EFCAB12: variants seen among roughly 807,000 people sequenced by gnomAD.
EFCAB12 encodes the protein EF-hand calcium binding domain 12.
A neutral mutation model predicts 53.6 loss-of-function variants in EFCAB12; 43 were observed. The observed-to-expected ratio is 0.80, with a 90% confidence interval of 0.63 to 1.03. The LOEUF is 1.03. Ranked by LOEUF, EFCAB12 falls within the 50% of genes least tolerant of loss-of-function variation. EFCAB12 has a pLI of 0.00. For synonymous variants in EFCAB12, 269 were observed against 289.2 expected, an observed-to-expected ratio of 0.93 and a Z score of 0.71; for missense variants, 646 against 730.6, an observed-to-expected ratio of 0.88 and a Z score of 1.34.
chr3:129,419,774 A>T lies in EFCAB12; in HGVS notation c.487-1326T>A, dbSNP rs574800684. 7.2e-5 allele frequency among the ~76,000 whole-genome samples: 11 copies of T among 152,300 alleles called. No individual in the cohort carries two copies. In the South Asian group the frequency reaches 1.9e-3, roughly 26 times the overall value. The stretch of plus-strand genomic sequence containing the variant: ...AAAAAAAACTCTCTTTTCTTTATAA[A>T]TTACCCAGCATCATGTCTTCTGTGA... On this transcript the variant is annotated intron_variant, in intron 2 of 8. Transcript: ENST00000505956.
rs374706713 is a variant in EFCAB12 at position 129,404,389 on chromosome 3, C to T, written c.1264G>A (p.Gly422Arg). Residue 422 changes from glycine to arginine, a missense_variant, in exon 7 of 9, where the codon GGA (glycine) becomes AGA (arginine). Physicochemically the swap from Gly to Arg is moderately radical, Grantham distance 125 (BLOSUM62 -2). Transcript: ENST00000505956. Reference protein sequence around the residue: ...DILMKALLYPGDKIIFQMDKV... With the variant: ...DILMKALLYPRDKIIFQMDKV... ...TCCATCTGGAAAATGATCTTGTCTC[C>T]TGGGTACAGCAAGGCTGTGGACAGC... 8.7e-6 allele frequency: 14 copies of T among 1,613,432 alleles called. No homozygotes were observed. The highest frequency in any genetic ancestry group is 1.1e-5 in the South Asian group (1 of 90,988).
Position 129,404,483 on chromosome 3 carries a change from T to TG in EFCAB12, c.1250-81dup, listed in dbSNP as rs1489456735. 20 of 1,332,060 alleles carry TG rather than the reference T, an allele frequency of 1.5e-5. No homozygotes were observed. The East Asian group carries it at 5.0e-4, about 33-fold the overall frequency. 82.5% of individuals were successfully genotyped at this position (1,332,060 alleles called of 1,614,324 possible). On this transcript the variant is annotated intron_variant, in intron 6 of 8. Coordinates refer to ENST00000505956, the MANE Select transcript of EFCAB12 (RefSeq NM_207307.3). ...CCTAAGCCTCTGGGGTCAGAGGAGG[T>TG]GTTTTTTTTTTTTTTAATTCACATT...
chr3:129,415,228 T>TG lies in EFCAB12; in HGVS notation c.838+16dup, dbSNP rs994057513. On this transcript the variant is annotated intron_variant, in intron 4 of 8. Coordinates refer to ENST00000505956, the MANE Select transcript of EFCAB12 (RefSeq NM_207307.3). ...AGGACGGGGAGGTGGAGGCACAGGA[T>TG]GGGGAGGGGTACGCACGCTCCCTTG... 1.3e-6 allele frequency: 2 copies of TG among 1,574,534 alleles called. No individual in the cohort carries two copies. Among genetic ancestry groups the TG allele is most frequent in the African/African-American group, 2.7e-5 (2 of 72,922 alleles).
chr3:129,424,989 G>C (rs996696508), intron 1 of EFCAB12, among the ~76,000 whole-genome samples: 7 of 152,158 alleles, frequency 4.6e-5, no homozygotes, highest in African/African-American at 1.4e-4. Context: ...GGGGTGGAGG[G>C]GCAGGGATGG....
intron 3 of EFCAB12, 77 bp downstream of exon 3, chr3:129,418,177 G>T: frequency 7.4e-7 from 1 of 1,360,036 alleles, no homozygotes; most frequent in Non-Finnish European, 9.9e-7. Context: ...GGCGGGGGAG[G>T]GGCGGGGGTG....
At chr3:129,426,375 T>TG (rs913097281) in intron 1 of EFCAB12, among the ~76,000 whole-genome samples, 1 of 146,326 alleles carries the variant, frequency 6.8e-6, no homozygotes, top group Non-Finnish European at 1.5e-5. Flanking sequence ...TTTTTTTTTT[T>TG]TTTTTTTGAG....
chr3:129,423,364 T>G (rs772868410), intron 1 of EFCAB12, among the ~76,000 whole-genome samples: 3 of 152,218 alleles, frequency 2.0e-5, no homozygotes, highest in African/African-American at 4.8e-5. Context: ...TGGTAGCTTA[T>G]GCCTGTAATC....
intron 8 of EFCAB12, among the ~76,000 whole-genome samples, chr3:129,402,165 G>A (rs2071881032): frequency 1.3e-5 from 2 of 152,152 alleles, no homozygotes; most frequent in African/African-American, 4.8e-5. Context: ...ATTTTAATGT[G>A]GTGTTTGGAG....
chr3:129,428,417 A>T (rs2072296423), intron 1 of EFCAB12, 23 bp downstream of exon 1: 3 of 1,598,478 alleles, frequency 1.9e-6, no homozygotes, highest in East Asian at 4.5e-5. Context: ...CGCTCCCTGC[A>T]GACGCTTCTT....
intron 1 of EFCAB12, among the ~76,000 whole-genome samples, chr3:129,424,654 G>A (rs1270027067): frequency 3.3e-5 from 5 of 152,200 alleles, no homozygotes; most frequent in African/African-American, 1.2e-4. Context: ...GGATGGAAGC[G>A]AACACTTCTA....
At chr3:129,407,412 GTAA>G (rs2071967239) in intron 6 of EFCAB12, among the ~76,000 whole-genome samples, 1 of 152,220 alleles carries the variant, frequency 6.6e-6, no homozygotes, top group Non-Finnish European at 1.5e-5. Flanking sequence ...GAAAAAGATG[GTAA>G]TAATCAATTG....
intron 1 of EFCAB12, among the ~76,000 whole-genome samples, chr3:129,422,787 C>G (rs1171009883): frequency 6.6e-6 from 1 of 152,178 alleles, no homozygotes; most frequent in African/African-American, 2.4e-5. Flanking sequence ...ATTGCCCTCT[C>G]CAGCTTGCCA....
chr3:129,424,981 G>A (rs1313765378), intron 1 of EFCAB12, among the ~76,000 whole-genome samples: 2 of 152,190 alleles, frequency 1.3e-5, no homozygotes, highest in Non-Finnish European at 2.9e-5. Flanking sequence ...GGCTTCATGG[G>A]GTGGAGGGGC....
Position 129,411,348 on chromosome 3 carries a change from A to T in EFCAB12, c.845T>A (p.Ile282Asn). ...CAGGGAATCTCTGTGCTTGGCCAAG[A>T]TATAATCTGGAGTCAGAGGGAAGAG... Reference protein sequence around the residue: ...SSLATAREHYILAKHRDSLKG... With the variant: ...SSLATAREHYNLAKHRDSLKG... The change falls in exon 5 of 9, where the codon ATC (isoleucine) becomes AAC (asparagine). Residue 282 changes from isoleucine to asparagine, a missense_variant. Transcript: ENST00000505956. The T allele has an allele frequency of 1.3e-6, 2 of 1,575,422 alleles. No individual in the cohort carries two copies. The highest frequency in any genetic ancestry group is 2.3e-5 in the East Asian group (1 of 44,124).
chr3:129,408,980 G>A, intron 5 of EFCAB12, 122 bp from the exon 6 acceptor site: 2 of 1,050,640 alleles, frequency 1.9e-6, no homozygotes, highest in East Asian at 2.6e-5. Context: ...AGGGGTGATG[G>A]CAACCAACGT....
chr3:129,408,797 T>C lies in EFCAB12; in HGVS notation c.1097A>G (p.His366Arg), dbSNP rs2071989627. Residue 366 changes from histidine (H) to arginine (R), a missense_variant, in exon 6 of 9, where the codon CAC becomes CGC. His to Arg is a conservative substitution (Grantham distance 29, BLOSUM62 0). Coordinates refer to ENST00000505956, the MANE Select transcript of EFCAB12 (RefSeq NM_207307.3). Reference sequence around the variant, plus strand: ...GGACGGGAGGCAGTGCTCATCAAAGTGCCGATTCCCACAGCGCACCAGGTG... The same window carrying C: ...GGACGGGAGGCAGTGCTCATCAAAGCGCCGATTCCCACAGCGCACCAGGTG... ...QCHLVRCGNR[H>R]FDEHCLPSTI... 2.5e-6 allele frequency: 4 copies of C among 1,578,446 alleles called. No homozygotes were observed. Among genetic ancestry groups the C allele is most frequent in the Non-Finnish European group, 3.4e-6 (4 of 1,161,884 alleles).
chr3:129,402,643 G>A (rs2071888288), intron 7 of EFCAB12, 64 bp from the exon 8 acceptor site: 1 of 1,534,726 alleles, frequency 6.5e-7, no homozygotes, highest in African/African-American at 1.4e-5. Context: ...GGGCTTTAGG[G>A]AGTAGGTCAG....
At chr3:129,404,190 T>C in intron 7 of EFCAB12, 60 bp downstream of exon 7, 1 of 1,566,328 alleles carries the variant, frequency 6.4e-7, no homozygotes, top group Non-Finnish European at 8.7e-7. Flanking sequence ...GCCCCCACAC[T>C]GAAGGGATAG....
rs370641545 is a variant in EFCAB12 at position 129,421,762 on chromosome 3, C to T, written c.91G>A (p.Val31Ile). The change falls in exon 2 of 9, where the codon GTC (valine) becomes ATC (isoleucine). Residue 31 changes from valine to isoleucine, a missense_variant. Transcript: ENST00000505956. ...SKTPINENAP[V>I]FDPEPVIAHC... is the part of the protein sequence containing the mutation. ...GCAATGACCGGTTCAGGATCAAAGA[C>T]GGGAGCATTTTCATTGATGGGAGTC... is the stretch of plus-strand genomic sequence containing the variant. 119 of 1,613,394 alleles carry T rather than the reference C, an allele frequency of 7.4e-5. No individual in the cohort carries two copies. The highest frequency in any genetic ancestry group is 4.0e-4 in the East Asian group (18 of 44,860).
Sources: gnomAD v4.1 joint callset for allele counts (sites outside exome capture counted in the v4.1 genomes callset) on GRCh38, gnomAD v4.1.1 for gene constraint, MANE v1.5 for transcripts, NCBI Gene and HGNC (gene_info 2026-07-23, HGNC 2026-07-21) for gene names.